The following TAOK1 variants were observed in gnomAD, a reference collection of about 807,000 sequenced individuals.
TAOK1 encodes the protein serine/threonine-protein kinase TAO1.
A neutral mutation model predicts 138.3 loss-of-function variants in TAOK1; 21 were observed. That is an observed-to-expected ratio of 0.15 (90% CI 0.11 to 0.22). TAOK1 has a LOEUF of 0.22. Among genes scored for constraint, TAOK1 ranks in the 10% least tolerant of loss-of-function variants. The pLI, the probability that TAOK1 is intolerant of heterozygous loss-of-function variation, is 1.00. For missense variants in TAOK1, 651 were observed against 1,227.7 expected (o/e 0.53, Z 7.02); for synonymous variants, 361 against 398.4 (o/e 0.91, Z 1.12).
chr17:29,411,217 A>G (rs906115875), intron 1 of TAOK1, among the ~76,000 whole-genome samples: 5 of 141,876 alleles, frequency 3.5e-5, no homozygotes, highest in African/African-American at 1.1e-4. Context: ...TCAGCCTCCC[A>G]AGTAGCTGGG....
intron 1 of TAOK1, among the ~76,000 whole-genome samples, chr17:29,410,621 T>G (rs1905116631): frequency 6.7e-6 from 1 of 148,176 alleles, no homozygotes; most frequent in South Asian, 2.2e-4. Context: ...GGTTTTTTGT[T>G]TTTTTTTTTT....
In TAOK1 at chr17:29,407,920, G is replaced by A. The variant is rs1330990590; in HGVS notation, c.-95+16896G>A. Among the ~76,000 whole-genome samples, 5 of 152,278 alleles carry A rather than the reference G, an allele frequency of 3.3e-5. No homozygotes were observed. In the East Asian group the frequency reaches 9.7e-4, roughly 29 times the overall value. ...GTCTGGCTCTGTCACCCAGGCTGCT[G>A]GAGTGCAGTGGCATGCGCTGCAGCC... is the stretch of plus-strand genomic sequence containing the variant. On this transcript the variant is annotated intron_variant, in intron 1 of 19. Coordinates refer to ENST00000261716, the MANE Select transcript of TAOK1 (RefSeq NM_020791.4).
chr17:29,428,972 G>A (rs1032034432), intron 1 of TAOK1, among the ~76,000 whole-genome samples: 1 of 152,024 alleles, frequency 6.6e-6, no homozygotes, highest in Non-Finnish European at 1.5e-5. Context: ...CTGGAATATA[G>A]CGAGAAGTCA....
rs1297058010 is a variant in TAOK1, at chr17:29,545,354, C to T, written c.*2332C>T. The T allele has an allele frequency of 6.6e-6, 1 of 152,150 alleles. No individual in the cohort carries two copies. The highest frequency in any genetic ancestry group is 2.4e-5 in the African/African-American group (1 of 41,424). The allele number at this position is 152,150 out of a possible 1,614,324, so 9.4% of individuals were successfully genotyped here. ...ATACCCTTAAAAATTATTCATAGATCTGGCTGCTCTGTACTACTGGATGGG... is the reference window on the plus strand; with the variant it reads ...ATACCCTTAAAAATTATTCATAGATTTGGCTGCTCTGTACTACTGGATGGG... On this transcript the variant is annotated 3_prime_UTR_variant, in exon 20 of 20. Coordinates refer to ENST00000261716, the MANE Select transcript of TAOK1 (RefSeq NM_020791.4).
chr17:29,485,942 G>A (rs746443509), intron 8 of TAOK1, among the ~76,000 whole-genome samples: 6 of 152,154 alleles, frequency 3.9e-5, no homozygotes, highest in Non-Finnish European at 7.4e-5. Context: ...GGGTAGAGAC[G>A]TTTTAGAAAC....
At chr17:29,499,862 A>ATT (rs1311666025) in intron 12 of TAOK1, among the ~76,000 whole-genome samples, 1 of 152,174 alleles carries the variant, frequency 6.6e-6, no homozygotes, top group Non-Finnish European at 1.5e-5. Flanking sequence ...CACCCAGTGT[A>ATT]TATCTTAAAA....
intron 1 of TAOK1, among the ~76,000 whole-genome samples, chr17:29,410,137 C>T (rs1305732741): frequency 1.3e-5 from 2 of 152,080 alleles, no homozygotes; most frequent in Non-Finnish European, 2.9e-5. Context: ...GCTGTGTGAG[C>T]GGGCAAAGCA....
chr17:29,511,129 G>A, intron 15 of TAOK1, 137 bp downstream of exon 15: 2 of 645,006 alleles, frequency 3.1e-6, no homozygotes, highest in Non-Finnish European at 4.8e-6. Context: ...TTTAAATGAT[G>A]ACATTGATTA....
In TAOK1 at chr17:29,522,332, G is replaced by A. The variant is rs1249095811; in HGVS notation, c.1961G>A (p.Arg654Gln). The part of the protein sequence containing the change: ...QKDLEHAMLL[R>Q]QHESMQELEF... ...GACTTAGAGCATGCCATGCTACTCC[G>A]ACAGCATGAATCTATGCAAGAACTG... is the stretch of plus-strand genomic sequence containing the variant. Residue 654 changes from arginine to glutamine, a missense_variant, in exon 17 of 20, where the codon CGA (arginine) becomes CAA (glutamine). Physicochemically the swap from Arg to Gln is conservative, Grantham distance 43. This residue lies in a region of TAOK1 where 258 missense variants were observed against 548.9 expected (regional missense o/e 0.47). Coordinates refer to ENST00000261716, the MANE Select transcript of TAOK1 (RefSeq NM_020791.4). The A allele has an allele frequency of 2.5e-6, 4 of 1,614,140 alleles. No homozygotes were observed. Among genetic ancestry groups the A allele is most frequent in the East Asian group, 2.2e-5 (1 of 44,884 alleles).
At chr17:29,508,178 G>A (rs955798625) in intron 14 of TAOK1, 46 bp downstream of exon 14, 2 of 1,534,936 alleles carry the variant, frequency 1.3e-6, no homozygotes, top group Non-Finnish European at 1.8e-6. Flanking sequence ...GGTTTTGAAT[G>A]TCTCAGAATT....
At chr17:29,530,867 C>A (rs1247626024) in intron 18 of TAOK1, 2 of 508,316 alleles carry the variant, frequency 3.9e-6, no homozygotes, top group Admixed American at 6.6e-5. Flanking sequence ...GATCCTAACA[C>A]CTTATTGAGA....
At chr17:29,452,908 A>C (rs920555091) in intron 2 of TAOK1, among the ~76,000 whole-genome samples, 1 of 152,102 alleles carries the variant, frequency 6.6e-6, no homozygotes, top group African/African-American at 2.4e-5. Context: ...GGTTGTTTCC[A>C]CTTTTGACTA....
intron 1 of TAOK1, among the ~76,000 whole-genome samples, chr17:29,434,599 C>T (rs1461847432): frequency 6.6e-6 from 1 of 152,058 alleles, no homozygotes; most frequent in African/African-American, 2.4e-5. Flanking sequence ...ACAGGGGTGT[C>T]GAGACAATAG....
rs750397715 is a variant in TAOK1, at chr17:29,502,693, A to C, written c.1308A>C (p.Glu436Asp). The change falls in exon 13 of 20, where the codon GAA (glutamate) becomes GAC (aspartate). Residue 436 changes from glutamate to aspartate, a missense_variant. This residue lies in a region of TAOK1 where 104 missense variants were observed against 151.7 expected (regional missense o/e 0.69). Coordinates refer to ENST00000261716, the MANE Select transcript of TAOK1 (RefSeq NM_020791.4). ...ACAAATCACACTATCGTAATCGAGAACACTTTGCTACTATACGGACAGCAT... is the reference window on the plus strand; with the variant it reads ...ACAAATCACACTATCGTAATCGAGACCACTTTGCTACTATACGGACAGCAT... ...SRHKSHYRNR[E>D]HFATIRTASL... 9 of 1,614,110 alleles carry C rather than the reference A, an allele frequency of 5.6e-6. No individual in the cohort carries two copies. Among genetic ancestry groups the C allele is most frequent in the South Asian group, 3.3e-5 (3 of 91,052 alleles).
At chr17:29,450,476 T>G (rs1003234255) in intron 1 of TAOK1, among the ~76,000 whole-genome samples, 1 of 151,940 alleles carries the variant, frequency 6.6e-6, no homozygotes, top group Non-Finnish European at 1.5e-5. Flanking sequence ...CATTCCAGAG[T>G]CCAGGTTCCA....
chr17:29,508,395 C>T (rs1362812988), intron 14 of TAOK1, among the ~76,000 whole-genome samples: 6 of 152,092 alleles, frequency 3.9e-5, no homozygotes, highest in Non-Finnish European at 7.4e-5. Flanking sequence ...TTGGAGTAGT[C>T]CACTTTATAG....
In TAOK1 at chr17:29,551,683, G is replaced by A. The variant is rs1004129677; in HGVS notation, c.*8661G>A. The A allele has an allele frequency of 3.3e-5, 5 of 152,536 alleles. No individual in the cohort carries two copies. Among genetic ancestry groups the A allele is most frequent in the African/African-American group, 1.2e-4 (5 of 41,392 alleles). The allele number at this position is 152,536 out of a possible 1,614,324, so 9.4% of individuals were successfully genotyped here. On this transcript the variant is annotated 3_prime_UTR_variant, in exon 20 of 20. Transcript: ENST00000261716. The stretch of plus-strand genomic sequence containing the variant: ...ACAGCACTAACTGGTAAGGCTTATT[G>A]TACAGTATATTGTCAGTATTCTTCT...
chr17:29,428,643 T>A (rs561687838), intron 1 of TAOK1, among the ~76,000 whole-genome samples: 3 of 152,144 alleles, frequency 2.0e-5, no homozygotes, highest in Admixed American at 1.3e-4. Flanking sequence ...ATATATATAT[T>A]TTTATTTTTT....
chr17:29,532,357 T>G (rs1004579150), intron 18 of TAOK1, among the ~76,000 whole-genome samples: 10 of 150,546 alleles, frequency 6.6e-5, no homozygotes, highest in Non-Finnish European at 1.2e-4. Context: ...TGTTTGTGGT[T>G]TTTTTTTTTT....
Sources: allele counts gnomAD v4.1 joint callset (sites outside exome capture counted in the v4.1 genomes callset), GRCh38; gene constraint gnomAD v4.1.1; regional missense constraint gnomAD v4.1.1; transcripts MANE v1.5; gene names NCBI Gene and HGNC (gene_info 2026-07-23, HGNC 2026-07-21).